Variants in POU6F2 observed in about 807,000 individuals in gnomAD.
POU6F2 encodes the protein POU domain, class 6, transcription factor 2.
A neutral mutation model predicts 71.3 loss-of-function variants in POU6F2; 31 were observed. The observed-to-expected ratio is 0.43, with a 90% CI of 0.33 to 0.59. The LOEUF (loss-of-function observed/expected upper bound fraction) is 0.59, where lower values mean the gene tolerates loss of function less well. POU6F2 is among the 20% of genes least tolerant of loss of function. The pLI is 0.04. For missense variants in POU6F2, 783 were observed against 856.8 expected (o/e 0.91, Z 1.07); for synonymous variants, 347 against 355.7 (o/e 0.98, Z 0.27).
intron 1 of POU6F2, chr7:39,006,759 A>T (rs1789083598): frequency 4.0e-6 from 5 of 1,260,602 alleles, no homozygotes; most frequent in South Asian, 1.2e-5. Context: ...TCTTCTAGGC[A>T]TGAACTCTCT....
At chr7:39,105,658 G>A (rs28576512) in intron 2 of POU6F2, among the ~76,000 whole-genome samples, 16 of 152,092 alleles carry the variant, frequency 1.1e-4, no homozygotes, top group Non-Finnish European at 1.9e-4. Context: ...TTAAGACTCA[G>A]AATTATCTGT....
At chr7:39,321,586 C>T (rs1785392248) in intron 4 of POU6F2, among the ~76,000 whole-genome samples, 1 of 152,086 alleles carries the variant, frequency 6.6e-6, no homozygotes, top group African/African-American at 2.4e-5. Flanking sequence ...AATTATTAAC[C>T]AAGAAGAAAT....
chr7:39,102,220 A>C lies in POU6F2; in HGVS notation c.277+16189A>C, dbSNP rs141583256. Among the ~76,000 whole-genome samples the C allele has an allele frequency of 5.6e-4, 86 of 152,282 alleles. 1 individual carries two copies. The South Asian group carries it at 0.014, about 25-fold the overall frequency. On this transcript the variant is annotated intron_variant, in intron 2 of 9. Transcript: ENST00000518318. ...TTATTGAGAGGTTAATTTATTCAAA[A>C]ATTAACACCTATTAAGTGTGTCCCC...
intron 4 of POU6F2, among the ~76,000 whole-genome samples, chr7:39,325,379 AC>A (rs1489307249): frequency 2.6e-5 from 4 of 152,158 alleles, no homozygotes; most frequent in Non-Finnish European, 2.9e-5. Flanking sequence ...AGATCTGGAA[AC>A]CCTTTTTGGC....
rs2293531 is a variant in POU6F2, at chr7:39,086,091, C to T, written c.277+60C>T. On this transcript the variant is annotated intron_variant, in intron 2 of 9. Coordinates refer to ENST00000518318, the MANE Select transcript of POU6F2 (RefSeq NM_001370959.1). ...CATGTTGTCCGGAAGAGCAATCCAA[C>T]CCCCCCAACCCCCCCTTTTTTTCTG... The T allele has an allele frequency of 1.1e-4, 149 of 1,409,560 alleles. 1 individual carries two copies. In the East Asian group the frequency reaches 1.4e-3, roughly 13 times the overall value. 87.3% of individuals were successfully genotyped at this position (1,409,560 alleles called of 1,614,324 possible). A position where few individuals can be genotyped will look rare whatever the true frequency, so the allele number is the denominator to read the frequency against.
At chr7:39,327,995 A>C (rs1785551189) in intron 4 of POU6F2, among the ~76,000 whole-genome samples, 1 of 152,086 alleles carries the variant, frequency 6.6e-6, no homozygotes, top group Admixed American at 6.5e-5. Flanking sequence ...ATCTCAGCTC[A>C]CTGCAACCTC....
chr7:39,297,516 A>G (rs1035473805), intron 4 of POU6F2, among the ~76,000 whole-genome samples: 22 of 152,170 alleles, frequency 1.4e-4, no homozygotes, highest in African/African-American at 4.8e-5. Flanking sequence ...CCGGAAATCT[A>G]TTGCTTTAAC....
chr7:39,015,230 T>C (rs1236514293), intron 1 of POU6F2, among the ~76,000 whole-genome samples: 1 of 145,620 alleles, frequency 6.9e-6, no homozygotes, highest in Admixed American at 7.1e-5. Context: ...GTATATATTA[T>C]ATATCTGTAT....
intron 2 of POU6F2, among the ~76,000 whole-genome samples, chr7:39,170,240 A>G (rs939560068): frequency 6.6e-6 from 1 of 152,228 alleles, no homozygotes; most frequent in Non-Finnish European, 1.5e-5. Context: ...ATTGCTTACT[A>G]TACTTTCTTA....
chr7:39,418,945 ATG>A (rs1491186251), intron 6 of POU6F2, among the ~76,000 whole-genome samples: 547 of 83,116 alleles, frequency 6.6e-3, no homozygotes, highest in African/African-American at 0.022. Context: ...ATGTGTATAT[ATG>A]TATATATGTA....
chr7:39,419,266 T>A (rs1787795840), intron 6 of POU6F2, among the ~76,000 whole-genome samples: 1 of 151,698 alleles, frequency 6.6e-6, no homozygotes, highest in African/African-American at 2.4e-5. Context: ...TGGGACTGAA[T>A]CTCACTCTGT....
chr7:39,227,319 T>G (rs1197086461), intron 4 of POU6F2, among the ~76,000 whole-genome samples: 1 of 152,182 alleles, frequency 6.6e-6, no homozygotes, highest in Non-Finnish European at 1.5e-5. Flanking sequence ...TTTTCTCGTC[T>G]TTATTTTTCT....
intron 6 of POU6F2, among the ~76,000 whole-genome samples, chr7:39,414,673 C>T (rs1787632490): frequency 6.6e-6 from 1 of 151,940 alleles, no homozygotes; most frequent in Non-Finnish European, 1.5e-5. Context: ...GCGGGTGCGG[C>T]CCCGCCCAAG....
chr7:39,199,669 C>T (rs1256103898), intron 2 of POU6F2, among the ~76,000 whole-genome samples: 3 of 152,124 alleles, frequency 2.0e-5, no homozygotes, highest in Non-Finnish European at 4.4e-5. Flanking sequence ...GTCACCCCCT[C>T]ACCTCTGTGG....
chr7:39,090,582 G>A (rs1456773990), intron 2 of POU6F2, among the ~76,000 whole-genome samples: 1 of 152,066 alleles, frequency 6.6e-6, no homozygotes, highest in Non-Finnish European at 1.5e-5. Context: ...TAACTATTCT[G>A]GAGCCAGTAA....
intron 1 of POU6F2, among the ~76,000 whole-genome samples, chr7:39,002,537 G>A (rs1423898695): frequency 2.0e-5 from 3 of 152,158 alleles, no homozygotes; most frequent in Non-Finnish European, 4.4e-5. Context: ...TAGTAGAAAT[G>A]GGTTTCACCT....
At chr7:39,364,779 A>G (rs1786464577) in intron 5 of POU6F2, among the ~76,000 whole-genome samples, 1 of 152,160 alleles carries the variant, frequency 6.6e-6, no homozygotes, top group Non-Finnish European at 1.5e-5. Flanking sequence ...CTGGGTAGAT[A>G]CCCAGTAGTG....
At chr7:39,456,043 A>G (rs1340750871) in intron 8 of POU6F2, among the ~76,000 whole-genome samples, 3 of 152,146 alleles carry the variant, frequency 2.0e-5, no homozygotes, top group Non-Finnish European at 4.4e-5. Context: ...CATCATTGCT[A>G]TTACTTTCTG....
At chr7:39,267,349 T>A (rs1784266381) in intron 4 of POU6F2, among the ~76,000 whole-genome samples, 1 of 152,190 alleles carries the variant, frequency 6.6e-6, no homozygotes, top group African/African-American at 2.4e-5. Flanking sequence ...CACCCCTTAT[T>A]TTCAATCGTT....
Sources: allele counts gnomAD v4.1 joint callset (sites outside exome capture counted in the v4.1 genomes callset), GRCh38; gene constraint gnomAD v4.1.1; transcripts MANE v1.5; gene names NCBI Gene and HGNC (gene_info 2026-07-23, HGNC 2026-07-21).